ENDOD1: variants seen among roughly 807,000 people sequenced by gnomAD.
ENDOD1 encodes endonuclease domain-containing 1 protein.
Under a neutral mutation model 6.5 loss-of-function variants are expected in ENDOD1, and 9 were observed. That is an observed-to-expected ratio of 1.39 (90% CI 0.84 to 2.43). The LOEUF (loss-of-function observed/expected upper bound fraction) is 2.43. Among genes scored for constraint, ENDOD1 ranks in the 30% most tolerant of loss-of-function variants. The pLI, the probability that ENDOD1 is intolerant of heterozygous loss-of-function variation, is 0.00. For missense variants in ENDOD1, 648 were observed against 635.5 expected, an observed-to-expected ratio of 1.02 and a Z score of -0.21; for synonymous variants, 255 against 255.2, an observed-to-expected ratio of 1.00 and a Z score of 0.01.
intron 1 of ENDOD1, among the ~76,000 whole-genome samples, chr11:95,091,414 A>T (rs1858929638): frequency 6.6e-6 from 1 of 152,046 alleles, no homozygotes; most frequent in East Asian, 1.9e-4. Flanking sequence ...ACATCCTTCC[A>T]CCTACCTCAA....
intron 1 of ENDOD1, among the ~76,000 whole-genome samples, chr11:95,096,500 G>T (rs1490849778): frequency 1.3e-5 from 2 of 151,980 alleles, no homozygotes; most frequent in African/African-American, 4.8e-5. Context: ...CAATCAAAAG[G>T]TCAAACAGAG....
In ENDOD1 at chr11:95,105,804, T is replaced by G. The variant is rs1859083922; in HGVS notation, c.300+15577T>G. Among the ~76,000 whole-genome samples, 5 of 152,308 alleles carry G rather than the reference T, an allele frequency of 3.3e-5. No individual in the cohort carries two copies. The South Asian group carries it at 1.0e-3, about 32-fold the overall frequency. On this transcript the variant is annotated intron_variant, in intron 1 of 1. Coordinates refer to ENST00000278505, the MANE Select transcript of ENDOD1 (RefSeq NM_015036.3). ...TTGTTGTATTATTAAATTTTTTCCC[T>G]GAATATTTTTGATCCACAGTTGTGG...
Position 95,128,364 on chromosome 11 carries a change from TTTC to T in ENDOD1, c.301-7_301-5del. On this transcript the variant is annotated splice_polypyrimidine_tract_variant and intron_variant, in intron 1 of 1. Transcript: ENST00000278505. ...AGCAGGGATGCATCTCACCACTTGTTTTCTTCTTGCAGATCGATGACCCCAACA... is the reference window on the plus strand; with the variant it reads ...AGCAGGGATGCATCTCACCACTTGTTTTCTTGCAGATCGATGACCCCAACA... 1 of 1,605,176 alleles carries T rather than the reference TTTC, an allele frequency of 6.2e-7. No homozygotes were observed. Among genetic ancestry groups the T allele is most frequent in the African/African-American group, 1.3e-5 (1 of 74,952 alleles).
rs150360693 is a variant in ENDOD1 at position 95,119,259 on chromosome 11, G to A, written c.301-9118G>A. Among the ~76,000 whole-genome samples, 1,411 of 152,272 alleles carry A rather than the reference G, an allele frequency of 9.3e-3. 26 individuals are homozygous for A. Among genetic ancestry groups the A allele is most frequent in the African/African-American group, 0.032 (1,343 of 41,524 alleles). On this transcript the variant is annotated intron_variant, in intron 1 of 1. Transcript: ENST00000278505. ...TCTGTGTCTGGGCATTGAAGAGTGA[G>A]GTATTTATTGTAGTCTTCTCAGTCT...
intron 1 of ENDOD1, among the ~76,000 whole-genome samples, chr11:95,112,190 G>A (rs1035224826): frequency 9.2e-5 from 14 of 152,184 alleles, no homozygotes; most frequent in Admixed American, 9.2e-4. Context: ...CTTTTGGCAT[G>A]ACCCTAGACA....
chr11:95,116,410 G>A (rs1287454292), intron 1 of ENDOD1, among the ~76,000 whole-genome samples: 1 of 152,108 alleles, frequency 6.6e-6, no homozygotes, highest in Admixed American at 6.5e-5. Context: ...TGGCTACTAA[G>A]TCAGTTTTGT....
chr11:95,113,229 T>C (rs1181987283), intron 1 of ENDOD1, among the ~76,000 whole-genome samples: 3 of 152,220 alleles, frequency 2.0e-5, no homozygotes, highest in Non-Finnish European at 4.4e-5. Context: ...ATTTATTCTT[T>C]ATGTTACCAA....
At position 95,129,314 on chromosome 11, in the gene ENDOD1, T is replaced by C. The variant is rs756134244; in HGVS notation, c.1238T>C (p.Leu413Pro). 1.9e-6 allele frequency: 3 copies of C among 1,614,076 alleles called. No individual in the cohort carries two copies. The African/African-American group carries it at 4.0e-5, about 22-fold the overall frequency. ...GTGGCCAAAGTCATCAGGGCTCTCC[T>C]CCGGATCCTTTGTTGTCTGCTGAAG... Reference protein sequence around the residue: ...KVVAKVIRALLRILCCLLKAI... With the variant: ...KVVAKVIRALPRILCCLLKAI... Residue 413 changes from leucine (L) to proline (P), a missense_variant, in exon 2 of 2, where the codon CTC becomes CCC. Coordinates refer to ENST00000278505, the MANE Select transcript of ENDOD1 (RefSeq NM_015036.3).
At chr11:95,125,292 TC>T (rs2134174732) in intron 1 of ENDOD1, among the ~76,000 whole-genome samples, 1 of 152,302 alleles carries the variant, frequency 6.6e-6, no homozygotes, top group Admixed American at 6.5e-5. Flanking sequence ...CATCTTAAAA[TC>T]CCGACCTTAC....
At chr11:95,092,398 C>T (rs190711028) in intron 1 of ENDOD1, among the ~76,000 whole-genome samples, 74 of 152,060 alleles carry the variant, frequency 4.9e-4, no homozygotes, top group African/African-American at 1.7e-3. Context: ...CATAGTTTGA[C>T]AGAAAGAAGT....
Position 95,130,152 on chromosome 11 carries a change from G to A in ENDOD1, c.*573G>A, listed in dbSNP as rs1334559144. The A allele has an allele frequency of 1.3e-5, 2 of 152,182 alleles. No individual in the cohort carries two copies. Among genetic ancestry groups the A allele is most frequent in the African/African-American group, 2.4e-5 (1 of 41,408 alleles). The allele number at this position is 152,182 out of a possible 1,614,324, so 9.4% of individuals were successfully genotyped here. A position where few individuals can be genotyped will look rare whatever the true frequency, so the allele number is the denominator to read the frequency against. ...AATTTTCTATATCTCTTAGCTTTCC[G>A]TGGTTCTCAAGGATATGTACAGTTT... On this transcript the variant is annotated 3_prime_UTR_variant, in exon 2 of 2. Transcript: ENST00000278505.
rs1859374344 is a variant in ENDOD1 at position 95,131,862 on chromosome 11, G to C, written c.*2283G>C. 6.6e-6 allele frequency: 1 copy of C among 152,214 alleles called. No homozygotes were observed. The highest frequency in any genetic ancestry group is 6.5e-5 in the Admixed American group (1 of 15,272). The allele number at this position is 152,214 out of a possible 1,614,324, so 9.4% of individuals were successfully genotyped here. On this transcript the variant is annotated 3_prime_UTR_variant, in exon 2 of 2. Coordinates refer to ENST00000278505, the MANE Select transcript of ENDOD1 (RefSeq NM_015036.3). The stretch of plus-strand genomic sequence containing the variant: ...TTTCTTTTTCACATCCAATTGTTTA[G>C]TGTCTATTTATTCTTGGGTGGCCAG...
At chr11:95,122,904 A>G (rs1327897269) in intron 1 of ENDOD1, among the ~76,000 whole-genome samples, 1 of 152,080 alleles carries the variant, frequency 6.6e-6, no homozygotes, top group African/African-American at 2.4e-5. Context: ...AAAAGGTCCT[A>G]GGGGCCGGGC....
At chr11:95,106,831 T>C (rs112102191) in intron 1 of ENDOD1, among the ~76,000 whole-genome samples, 3 of 151,570 alleles carry the variant, frequency 2.0e-5, no homozygotes, top group African/African-American at 7.3e-5. Flanking sequence ...CCCCCCCCTT[T>C]CCCCCGTCAG....
At chr11:95,092,724 A>T (rs1198147450) in intron 1 of ENDOD1, among the ~76,000 whole-genome samples, 1 of 152,118 alleles carries the variant, frequency 6.6e-6, no homozygotes, top group African/African-American at 2.4e-5. Flanking sequence ...AGGAGGTGTG[A>T]GGTGCAGCTG....
At chr11:95,095,611 G>GA (rs1267109790) in intron 1 of ENDOD1, among the ~76,000 whole-genome samples, 1 of 152,188 alleles carries the variant, frequency 6.6e-6, no homozygotes, top group Non-Finnish European at 1.5e-5. Flanking sequence ...TTTCAGTTTA[G>GA]ACTTATATCT....
At chr11:95,091,750 T>A (rs1246039110) in intron 1 of ENDOD1, among the ~76,000 whole-genome samples, 3 of 151,944 alleles carry the variant, frequency 2.0e-5, no homozygotes, top group African/African-American at 7.3e-5. Flanking sequence ...GACCAAGAGA[T>A]CTGAGTGCAG....
rs2134172359 is a variant in ENDOD1 at position 95,119,626 on chromosome 11, A to G, written c.301-8751A>G. 2.6e-5 allele frequency among the ~76,000 whole-genome samples: 4 copies of G among 152,346 alleles called. No individual in the cohort carries two copies. The Middle Eastern group carries it at 0.014, about 518-fold the overall frequency. On this transcript the variant is annotated intron_variant, in intron 1 of 1. Coordinates refer to ENST00000278505, the MANE Select transcript of ENDOD1 (RefSeq NM_015036.3). ...GGTGGGTCAGACCTGAAGCCAGCAC[A>G]GTACTTGGTTCATCCACAGCCTGCT...
intron 1 of ENDOD1, among the ~76,000 whole-genome samples, chr11:95,105,508 G>A (rs995297827): frequency 7.9e-5 from 12 of 151,998 alleles, no homozygotes; most frequent in East Asian, 5.8e-4. Context: ...TGTGGTTTGC[G>A]GTGCCTAACA....
Sources: gnomAD v4.1 joint callset for allele counts (sites outside exome capture counted in the v4.1 genomes callset) on GRCh38, gnomAD v4.1.1 for gene constraint, MANE v1.5 for transcripts, NCBI Gene and HGNC (gene_info 2026-07-23, HGNC 2026-07-21) for gene names.